The following EGLN2 variants were observed in gnomAD, a reference collection of about 807,000 sequenced individuals.
EGLN2 encodes prolyl hydroxylase EGLN2.
In EGLN2, 15 loss-of-function variants were observed where a neutral mutation model predicts 38.2. That is an observed-to-expected ratio of 0.39 (90% CI 0.26 to 0.60). The LOEUF (loss-of-function observed/expected upper bound fraction) is 0.60, where lower values mean the gene tolerates loss of function less well. Among genes scored for constraint, EGLN2 ranks in the 20% least tolerant of loss-of-function variants. The pLI, the probability that EGLN2 is intolerant of heterozygous loss-of-function variation, is 0.50. For missense variants in EGLN2, 492 were observed against 570.4 expected, an observed-to-expected ratio of 0.86 and a Z score of 1.40; for synonymous variants, 284 against 237.4, an observed-to-expected ratio of 1.20 and a Z score of -1.81.
intron 2 of EGLN2, chr19:40,803,266 A>C (rs1162306833): frequency 1.3e-5 from 2 of 152,328 alleles, no homozygotes; most frequent in African/African-American, 4.8e-5. Flanking sequence ...AGGGGAGAGT[A>C]GGAGAAGATC....
In EGLN2 at chr19:40,800,787, C is replaced by T; in HGVS notation, c.215C>T (p.Thr72Ile). 6.2e-7 allele frequency: 1 copy of T among 1,613,566 alleles called. No individual in the cohort carries two copies. Among genetic ancestry groups the T allele is most frequent in the South Asian group, 1.1e-5 (1 of 91,048 alleles). Residue 72 changes from threonine to isoleucine, a missense_variant, in exon 2 of 6, where the codon ACT becomes ATT. This residue lies in a region of EGLN2 where 378 missense variants were observed against 386.2 expected (regional missense o/e 0.98). Transcript: ENST00000303961. The part of the protein sequence containing the change: ...GTPRATATST[T>I]ASPLRDGFGG... ...CCCAGAGCCACAGCCACCTCTACCA[C>T]TGCCAGCCCTCTTCGGGACGGTTTT... is the stretch of plus-strand genomic sequence containing the variant.
intron 2 of EGLN2, among the ~76,000 whole-genome samples, chr19:40,801,641 C>T (rs1242032270): frequency 6.8e-6 from 1 of 146,416 alleles, no homozygotes; most frequent in African/African-American, 2.5e-5. Context: ...GTCCTGGAGC[C>T]ACAGTGGTTC....
intron 3 of EGLN2, 131 bp downstream of exon 3, chr19:40,806,805 G>A: frequency 7.7e-7 from 1 of 1,299,526 alleles, no homozygotes; most frequent in Non-Finnish European, 1.1e-6. Flanking sequence ...ACACACAGCG[G>A]GCAGTGCGAT....
chr19:40,801,748 G>A (rs567082380), intron 2 of EGLN2, among the ~76,000 whole-genome samples: 40 of 150,880 alleles, frequency 2.7e-4, no homozygotes, highest in Admixed American at 1.7e-3. Context: ...GACAATAGTG[G>A]AGGGAAGGTC....
At position 40,801,392 on chromosome 19, in the gene EGLN2, T is replaced by C; in HGVS notation, c.820T>C (p.Tyr274His). The change falls in exon 2 of 6, where the codon TAT becomes CAT. Residue 274 changes from tyrosine (Y) to histidine (H), a missense_variant. By Grantham distance (83) the Tyr-to-His change is moderately conservative. This residue lies in a region of EGLN2 where 378 missense variants were observed against 386.2 expected (regional missense o/e 0.98). Coordinates refer to ENST00000303961, the MANE Select transcript of EGLN2 (RefSeq NM_080732.4). ...IRHCAGRLGS[Y>H]VINGRTKAMV... ...CCACTGCGCAGGGCGGCTGGGCAGC[T>C]ATGTCATCAACGGGCGCACCAAGGT... 1.2e-6 allele frequency: 2 copies of C among 1,607,324 alleles called. No individual in the cohort carries two copies. The highest frequency in any genetic ancestry group is 1.7e-6 in the Non-Finnish European group (2 of 1,179,110).
intron 4 of EGLN2, 45 bp from the exon 5 acceptor site, chr19:40,807,439 A>C (rs748628682): frequency 6.2e-7 from 1 of 1,611,352 alleles, no homozygotes; most frequent in Admixed American, 1.7e-5. Flanking sequence ...TGGATATGGT[A>C]GCTGGAATTG....
intron 2 of EGLN2, chr19:40,805,309 A>G (rs949630919): frequency 6.6e-6 from 1 of 152,238 alleles, no homozygotes; most frequent in African/African-American, 2.4e-5. Flanking sequence ...GTGCTACCTC[A>G]TCTTGCCACT....
intron 2 of EGLN2, among the ~76,000 whole-genome samples, chr19:40,802,529 C>G (rs556033154): frequency 1.3e-5 from 2 of 152,332 alleles, no homozygotes; most frequent in African/African-American, 2.4e-5. Context: ...GAGCCTGGGT[C>G]TTTTTGAGAA....
Position 40,801,204 on chromosome 19 carries a change from A to G in EGLN2, c.632A>G (p.Glu211Gly). 1 of 1,612,646 alleles carries G rather than the reference A, an allele frequency of 6.2e-7. No individual in the cohort carries two copies. The highest frequency in any genetic ancestry group is 8.5e-7 in the Non-Finnish European group (1 of 1,179,890). The change falls in exon 2 of 6, where the codon GAG (glutamate) becomes GGG (glycine). Residue 211 changes from glutamate to glycine, a missense_variant. Transcript: ENST00000303961. ...ALGGRVLAEVEALKRGGRLRD... is the reference protein window; with the variant it reads ...ALGGRVLAEVGALKRGGRLRD... ...GGCGGTCGCGTGCTGGCCGAGGTGG[A>G]GGCCCTCAAACGGGGTGGGCGCCTG...
rs891264554 is a variant in EGLN2, at chr19:40,806,955, T to C, written c.964-183T>C. ...AACACTTTCCCCCTTTTCCTGTCTT[T>C]AGTAGCTTCCTGCCCATCTCCATGG... On this transcript the variant is annotated intron_variant, in intron 3 of 5. Coordinates refer to ENST00000303961, the MANE Select transcript of EGLN2 (RefSeq NM_080732.4). 2.1e-5 allele frequency: 22 copies of C among 1,043,782 alleles called. No individual in the cohort carries two copies. The African/African-American group carries it at 2.6e-4, about 12-fold the overall frequency. 64.7% of individuals were successfully genotyped at this position (1,043,782 alleles called of 1,614,324 possible).
At position 40,800,815 on chromosome 19, in the gene EGLN2, C is replaced by T. The variant is rs764537603; in HGVS notation, c.243C>T (p.Gly81=). 29 of 1,613,088 alleles carry T rather than the reference C, an allele frequency of 1.8e-5. No individual in the cohort carries two copies. Among genetic ancestry groups the T allele is most frequent in the Middle Eastern group, 3.3e-4 (2 of 6,056 alleles). ...TTASPLRDGF[G]GQDGGELRPL... ...CCAGCCCTCTTCGGGACGGTTTTGG[C>T]GGGCAGGATGGTGGTGAGCTGCGGC... is the stretch of plus-strand genomic sequence containing the variant. Residue 81 remains glycine (G), a synonymous_variant, in exon 2 of 6, where the codon GGC becomes GGT. Coordinates refer to ENST00000303961, the MANE Select transcript of EGLN2 (RefSeq NM_080732.4).
chr19:40,807,421 A>G (rs1227913649), intron 4 of EGLN2, 63 bp from the exon 5 acceptor site: 6 of 1,607,910 alleles, frequency 3.7e-6, no homozygotes, highest in African/African-American at 1.3e-5. Flanking sequence ...ATGGCCGCCT[A>G]GTGTGTGTGG....
chr19:40,806,799 A>G lies in EGLN2; in HGVS notation c.963+125A>G, dbSNP rs1568503032. On this transcript the variant is annotated intron_variant, in intron 3 of 5. Coordinates refer to ENST00000303961, the MANE Select transcript of EGLN2 (RefSeq NM_080732.4). ...ATTCTCCTGTTTCTCTTCTCAACAC[A>G]CAGCGGGCAGTGCGATCTGCCGGCT... 3.0e-6 allele frequency: 4 copies of G among 1,346,400 alleles called. No homozygotes were observed. The East Asian group carries it at 7.5e-5, about 25-fold the overall frequency. The allele number at this position is 1,346,400 out of a possible 1,614,324, so 83.4% of individuals were successfully genotyped here.
At chr19:40,807,614 C>G (rs755163007) in intron 5 of EGLN2, 63 bp downstream of exon 5, 1 of 1,557,322 alleles carries the variant, frequency 6.4e-7, no homozygotes, top group Non-Finnish European at 8.9e-7. Context: ...TGATGCCACC[C>G]CATCCCCCTC....
rs775857945 is a variant in EGLN2, at chr19:40,807,269, C to T, written c.1095C>T (p.Ala365=). 8 of 1,614,174 alleles carry T rather than the reference C, an allele frequency of 5.0e-6. No homozygotes were observed. The highest frequency in any genetic ancestry group is 1.7e-5 in the Admixed American group (1 of 60,018). Residue 365 remains alanine, a synonymous_variant, in exon 4 of 6, where the codon GCC becomes GCT. Coordinates refer to ENST00000303961, the MANE Select transcript of EGLN2 (RefSeq NM_080732.4). ...CCCACGAGGTGAAGCCAGCCTATGCCACCAGGTATGACCTGTACTTCTGGA... is the reference window on the plus strand; with the variant it reads ...CCCACGAGGTGAAGCCAGCCTATGCTACCAGGTATGACCTGTACTTCTGGA... ...RNPHEVKPAY[A]TRYAITVWYF... is the part of the protein sequence containing the mutation.
At position 40,807,767 on chromosome 19, in the gene EGLN2, CCTT is replaced by C. The variant is rs764146764; in HGVS notation, c.1169-39_1169-37del. 191 of 1,607,704 alleles carry C rather than the reference CCTT, an allele frequency of 1.2e-4. No individual in the cohort carries two copies. In the East Asian group the frequency reaches 1.4e-3, roughly 12 times the overall value. On this transcript the variant is annotated intron_variant, in intron 5 of 5. Transcript: ENST00000303961. ...CCCAGGTTTCCCTTGGCTTCTTTGT[CCTT>C]CTGATGACTCACTGTCTCCTGTCCC...
At chr19:40,802,569 G>A (rs1466618002) in intron 2 of EGLN2, among the ~76,000 whole-genome samples, 2 of 152,256 alleles carry the variant, frequency 1.3e-5, no homozygotes, top group Admixed American at 6.5e-5. Context: ...CCTCTCTTAA[G>A]ACAAATGCTC....
chr19:40,805,784 C>T (rs1007385447), intron 2 of EGLN2: 3 of 152,266 alleles, frequency 2.0e-5, no homozygotes, highest in Admixed American at 6.5e-5. Context: ...GGAGTTGGGG[C>T]TCCAGAACCT....
chr19:40,806,310 C>T, intron 2 of EGLN2: 1 of 613,702 alleles, frequency 1.6e-6, no homozygotes. Flanking sequence ...GGGTGCCAGG[C>T]CCCAGGTATG....
Sources: gnomAD v4.1 joint callset for allele counts (sites outside exome capture counted in the v4.1 genomes callset) on GRCh38, gnomAD v4.1.1 for gene constraint, gnomAD v4.1.1 regional missense constraint, MANE v1.5 for transcripts, NCBI Gene and HGNC (gene_info 2026-07-23, HGNC 2026-07-21) for gene names.